NELL1: variants seen among roughly 807,000 people sequenced by gnomAD.
NELL1 encodes the protein protein kinase C-binding protein NELL1.
In NELL1, 76 loss-of-function variants were observed where a neutral mutation model predicts 107.4. The ratio of observed to expected loss-of-function variants is 0.71; its 90% CI spans 0.59 to 0.86. The LOEUF (loss-of-function observed/expected upper bound fraction) is 0.86. Ranked by LOEUF, NELL1 falls within the 40% of genes least tolerant of loss-of-function variation. NELL1 has a pLI of 0.00. For missense variants in NELL1, 1,024 were observed against 1,005.5 expected (o/e 1.02, Z -0.25); for synonymous variants, 353 against 341.2 (o/e 1.03, Z -0.38).
intron 15 of NELL1, among the ~76,000 whole-genome samples, chr11:21,417,003 A>G (rs945052292): frequency 3.9e-5 from 6 of 152,066 alleles, no homozygotes; most frequent in African/African-American, 1.4e-4. Flanking sequence ...AAATTAAATA[A>G]TTTGCCCGAA....
chr11:21,342,809 T>A (rs1298711157), intron 14 of NELL1, among the ~76,000 whole-genome samples: 1 of 152,098 alleles, frequency 6.6e-6, no homozygotes, highest in Non-Finnish European at 1.5e-5. Flanking sequence ...ACTGGTTACC[T>A]TTCTCTTCTT....
At chr11:20,863,898 G>C (rs7937696) in intron 4 of NELL1, among the ~76,000 whole-genome samples, 102,375 of 152,132 alleles carry the variant, frequency 0.67, 35,175 homozygotes, top group Non-Finnish European at 0.76. Flanking sequence ...TCGCGGTTAG[G>C]AGCTGGAGAC....
At chr11:20,987,119 C>T (rs1851869873) in intron 12 of NELL1, among the ~76,000 whole-genome samples, 1 of 152,044 alleles carries the variant, frequency 6.6e-6, no homozygotes, top group South Asian at 2.1e-4. Context: ...CCCCATAAGG[C>T]TGAAACATTG....
intron 11 of NELL1, among the ~76,000 whole-genome samples, chr11:20,949,900 C>T (rs1203800111): frequency 6.6e-6 from 1 of 152,166 alleles, no homozygotes; most frequent in Non-Finnish European, 1.5e-5. Flanking sequence ...AGTTCCTTCT[C>T]AGCCAGGAAA....
intron 2 of NELL1, among the ~76,000 whole-genome samples, chr11:20,765,421 GT>G (rs1856508689): frequency 6.6e-6 from 1 of 152,150 alleles, no homozygotes; most frequent in South Asian, 2.1e-4. Context: ...CAGCACAGTG[GT>G]GAGCTTCCAT....
At position 21,569,320 on chromosome 11, in the gene NELL1, C is replaced by A. The variant is rs184568944; in HGVS notation, c.1981-1444C>A. ...CATTGCTGAATAATTCTATTTAGTT[C>A]TCTCTCAGCTACCTCATTTGAGAAA... On this transcript the variant is annotated intron_variant, in intron 17 of 19. Transcript: ENST00000357134. Among the ~76,000 whole-genome samples, 38 of 151,928 alleles carry A rather than the reference C, an allele frequency of 2.5e-4. 1 individual carries two copies. Among genetic ancestry groups the A allele is most frequent in the Non-Finnish European group, 1.3e-4 (9 of 67,906 alleles).
chr11:21,381,604 C>T (rs1266186178), intron 15 of NELL1, among the ~76,000 whole-genome samples: 3 of 151,840 alleles, frequency 2.0e-5, no homozygotes, highest in East Asian at 1.9e-4. Context: ...GCTGCTTGCC[C>T]AAGGATACTC....
At chr11:21,195,093 T>C (rs992824757) in intron 13 of NELL1, among the ~76,000 whole-genome samples, 1 of 152,154 alleles carries the variant, frequency 6.6e-6, no homozygotes, top group Non-Finnish European at 1.5e-5. Flanking sequence ...GGAAAAAAAT[T>C]ATTACCTTTC....
chr11:21,392,234 A>G (rs7109477), intron 15 of NELL1, among the ~76,000 whole-genome samples: 69,060 of 151,550 alleles, frequency 0.46, 17,273 homozygotes, highest in Admixed American at 0.56. Context: ...GTAAGGAAAC[A>G]GCTCTGAGGA....
At chr11:21,302,138 C>T (rs1849504884) in intron 14 of NELL1, among the ~76,000 whole-genome samples, 1 of 151,972 alleles carries the variant, frequency 6.6e-6, no homozygotes, top group Non-Finnish European at 1.5e-5. Context: ...TTTATGATTT[C>T]TCATGATTCG....
chr11:21,007,688 A>C (rs1015982222), intron 12 of NELL1, among the ~76,000 whole-genome samples: 1 of 151,886 alleles, frequency 6.6e-6, no homozygotes, highest in Non-Finnish European at 1.5e-5. Context: ...ATTCACACTT[A>C]CTTGCAATTG....
At chr11:20,711,059 T>A (rs1039312542) in intron 2 of NELL1, among the ~76,000 whole-genome samples, 1 of 152,078 alleles carries the variant, frequency 6.6e-6, no homozygotes, top group Non-Finnish European at 1.5e-5. Context: ...TTATTTTCTT[T>A]TTCTGAGTTT....
chr11:21,278,946 A>G (rs895980844), intron 14 of NELL1, among the ~76,000 whole-genome samples: 3 of 152,182 alleles, frequency 2.0e-5, no homozygotes, highest in Non-Finnish European at 2.9e-5. Context: ...AGTCAATGCA[A>G]GAGACTAGAG....
chr11:20,680,488 T>C (rs1519717), intron 2 of NELL1, among the ~76,000 whole-genome samples: 20,921 of 152,082 alleles, frequency 0.14, 1,523 homozygotes, highest in African/African-American at 0.17. Context: ...AAATTTCTCT[T>C]TATTGTGGTC....
intron 4 of NELL1, among the ~76,000 whole-genome samples, chr11:20,864,337 G>C (rs1849055694): frequency 6.6e-6 from 1 of 152,118 alleles, no homozygotes; most frequent in Non-Finnish European, 1.5e-5. Context: ...TCTTCTCTTT[G>C]CATTTTTCGA....
chr11:20,735,316 A>G (rs919405616), intron 2 of NELL1, among the ~76,000 whole-genome samples: 1 of 152,156 alleles, frequency 6.6e-6, no homozygotes, highest in African/African-American at 2.4e-5. Context: ...TAAAGGAAAG[A>G]GGTTTAATTG....
intron 12 of NELL1, among the ~76,000 whole-genome samples, chr11:21,050,076 C>T (rs1279298951): frequency 1.3e-5 from 2 of 152,104 alleles, no homozygotes; most frequent in African/African-American, 4.8e-5. Context: ...ATGGCTAATG[C>T]TGCATCTTAA....
At chr11:21,564,953 G>T (rs1016929179) in intron 17 of NELL1, among the ~76,000 whole-genome samples, 1 of 151,906 alleles carries the variant, frequency 6.6e-6, no homozygotes, top group Admixed American at 6.6e-5. Flanking sequence ...AAGGAGGAAA[G>T]AATCTGATCC....
At chr11:21,228,933 T>A (rs1467761929) in intron 13 of NELL1, among the ~76,000 whole-genome samples, 2 of 151,738 alleles carry the variant, frequency 1.3e-5, no homozygotes, top group African/African-American at 4.8e-5. Context: ...TCACTTCCTG[T>A]TCCCAATCAT....
Sources: gnomAD v4.1 joint callset for allele counts (sites outside exome capture counted in the v4.1 genomes callset) on GRCh38, gnomAD v4.1.1 for gene constraint, MANE v1.5 for transcripts, NCBI Gene and HGNC (gene_info 2026-07-23, HGNC 2026-07-21) for gene names.